The following DVL2 variants were observed in gnomAD, a reference collection of about 807,000 sequenced individuals.
The protein encoded by DVL2 is dishevelled segment polarity protein 2, also known as segment polarity protein dishevelled homolog DVL-2.
In DVL2, 38 loss-of-function variants were observed where a neutral mutation model predicts 69.8. The observed-to-expected ratio is 0.54, with a 90% CI of 0.42 to 0.71. The LOEUF is 0.71. Among genes scored for constraint, DVL2 ranks in the 30% least tolerant of loss-of-function variants. The probability of loss-of-function intolerance (pLI) is 0.00; values close to 1 mark genes in which losing one functional copy is unlikely to be tolerated. For missense variants in DVL2, 931 were observed against 1,008.1 expected, an observed-to-expected ratio of 0.92 and a Z score of 1.04; for synonymous variants, 428 against 392.4, an observed-to-expected ratio of 1.09 and a Z score of -1.07.
chr17:7,230,137 G>A lies in DVL2; in HGVS notation c.429C>T (p.Ser143=), dbSNP rs199520856. The A allele has an allele frequency of 1.0e-4, 169 of 1,614,156 alleles. No homozygotes were observed. In the East Asian group the frequency reaches 3.4e-3, roughly 32 times the overall value. ...PPSFHPNVSS[S]HENLEPETET... Reference sequence around the variant, plus strand: ...CTGTCTCAGGCTCCAGATTCTCATGGCTGCTGGACACATTAGGGCTGGACA... The same window carrying A: ...CTGTCTCAGGCTCCAGATTCTCATGACTGCTGGACACATTAGGGCTGGACA... Residue 143 remains serine, a synonymous_variant, in exon 4 of 15, where the codon AGC becomes AGT. Transcript: ENST00000005340.
intron 1 of DVL2, among the ~76,000 whole-genome samples, chr17:7,231,085 C>T (rs2071535724): frequency 6.6e-6 from 1 of 152,170 alleles, no homozygotes; most frequent in African/African-American, 2.4e-5. Flanking sequence ...AAAAGCAATC[C>T]CGCACGCTGA....
At position 7,234,406 on chromosome 17, in the gene DVL2, G is replaced by T; in HGVS notation, c.-144C>A. 1 of 955,558 alleles carries T rather than the reference G, an allele frequency of 1.0e-6. No individual in the cohort carries two copies. Among genetic ancestry groups the T allele is most frequent in the South Asian group, 1.7e-5 (1 of 57,544 alleles). 59.2% of individuals were successfully genotyped at this position (955,558 alleles called of 1,614,324 possible). A position where few individuals can be genotyped will look rare whatever the true frequency, so the allele number is the denominator to read the frequency against. ...AGAGAAGCAAAGGGGAAAAAGCACG[G>T]ATCTGCGAGGGTGGCGGCGGGGGGC... On this transcript the variant is annotated 5_prime_UTR_variant, in exon 1 of 15. Transcript: ENST00000005340.
Position 7,229,344 on chromosome 17 carries a change from C to G in DVL2, c.817+34G>C. 1 of 1,613,622 alleles carries G rather than the reference C, an allele frequency of 6.2e-7. No individual in the cohort carries two copies. The highest frequency in any genetic ancestry group is 8.5e-7 in the Non-Finnish European group (1 of 1,179,810). ...CGCCCGGAACCCTAGAGACCAGGCC[C>G]TCCCCACGCCCTAGCCACAGGCTCT... On this transcript the variant is annotated intron_variant, in intron 7 of 14. Coordinates refer to ENST00000005340, the MANE Select transcript of DVL2 (RefSeq NM_004422.3). This position sits in a 1 kb window ranked among gnomAD's most constrained non-coding sequence, Gnocchi z 4.4.
intron 1 of DVL2, among the ~76,000 whole-genome samples, chr17:7,231,058 CCT>C (rs1175026608): frequency 2.6e-5 from 4 of 152,208 alleles, no homozygotes; most frequent in African/African-American, 9.7e-5. Flanking sequence ...CTGACTCAAA[CCT>C]CTTAGTCCAG....
Position 7,234,282 on chromosome 17 carries a change from C to G in DVL2, c.-20G>C. The G allele has an allele frequency of 6.2e-7, 1 of 1,601,064 alleles. No individual in the cohort carries two copies. The highest frequency in any genetic ancestry group is 8.5e-7 in the Non-Finnish European group (1 of 1,173,856). On this transcript the variant is annotated 5_prime_UTR_variant, in exon 1 of 15. Transcript: ENST00000005340. ...CGCCATGGTCTCGCCCGCGCGCTCC[C>G]GGGCTCCACCGCCCACCCAAAGGGC... is the stretch of plus-strand genomic sequence containing the variant.
At chr17:7,226,846 G>A in intron 13 of DVL2, 1 of 625,526 alleles carries the variant, frequency 1.6e-6, no homozygotes, top group Non-Finnish European at 2.7e-6. Context: ...GTCTTTGCGG[G>A]ACTCAGGTAA....
Position 7,229,224 on chromosome 17 carries a change from C to T in DVL2, c.868G>A (p.Gly290Arg). The T allele has an allele frequency of 6.2e-7, 1 of 1,614,172 alleles. No homozygotes were observed. The highest frequency in any genetic ancestry group is 8.5e-7 in the Non-Finnish European group (1 of 1,180,024). ...GAGCCAATGTAGATGCCTCCGTCTC[C>T]CCGCTCATTGCTCTGGCCAACAATG... is the stretch of plus-strand genomic sequence containing the variant. ...ISIVGQSNERGDGGIYIGSIM... is the reference protein window; with the variant it reads ...ISIVGQSNERRDGGIYIGSIM... Residue 290 changes from glycine (G) to arginine (R), a missense_variant, in exon 8 of 15, where the codon GGA (glycine) becomes AGA (arginine). Around this residue, in one of 3 missense-constraint regions of DVL2, gnomAD observed 555 missense variants for 588.8 expected, o/e 0.94. Transcript: ENST00000005340. This position sits in a 1 kb window ranked among gnomAD's most constrained non-coding sequence, Gnocchi z 4.4.
chr17:7,233,817 G>A (rs1034118896), intron 1 of DVL2: 18 of 573,658 alleles, frequency 3.1e-5, no homozygotes, highest in African/African-American at 2.6e-4. Context: ...AAACCAGTAT[G>A]CCCCCACCTA....
rs2071426482 is a variant in DVL2 at position 7,225,423 on chromosome 17, A to C, written c.*442T>G. 4.5e-6 allele frequency: 2 copies of C among 443,428 alleles called. No individual in the cohort carries two copies. Among genetic ancestry groups the C allele is most frequent in the Admixed American group, 7.4e-5 (2 of 27,200 alleles). 27.5% of individuals were successfully genotyped at this position (443,428 alleles called of 1,614,324 possible). A position where few individuals can be genotyped will look rare whatever the true frequency, so the allele number is the denominator to read the frequency against. On this transcript the variant is annotated 3_prime_UTR_variant, in exon 15 of 15. Transcript: ENST00000005340. ...GTAACAAAGGCAGCTACATGGCCCA[A>C]ATCTCCCAGCTTCCTCAGGCTGCTG...
chr17:7,227,736 C>T lies in DVL2; in HGVS notation c.1150G>A (p.Ala384Thr), dbSNP rs140277298. 2.7e-5 allele frequency: 44 copies of T among 1,601,534 alleles called. No homozygotes were observed. Among genetic ancestry groups the T allele is most frequent in the East Asian group, 1.4e-4 (6 of 44,120 alleles). The change falls in exon 11 of 15, where the codon GCG becomes ACG. Residue 384 changes from alanine to threonine, a missense_variant. Around this residue, in one of 3 missense-constraint regions of DVL2, gnomAD observed 555 missense variants for 588.8 expected, o/e 0.94. Coordinates refer to ENST00000005340, the MANE Select transcript of DVL2 (RefSeq NM_004422.3). ...GCTGGGAAGGTGCCAGTCAGAGCCG[C>T]GGAATGGGACACCCAGGCAGCAGGG... ...IDPAAWVSHS[A>T]ALTGTFPAYP...
intron 1 of DVL2, 118 bp from the exon 2 acceptor site, chr17:7,230,915 T>A: frequency 1.5e-6 from 1 of 665,602 alleles, no homozygotes; most frequent in Non-Finnish European, 2.6e-6. Flanking sequence ...CCTGCCCTGT[T>A]CAGGTCTTCT....
rs1305360975 is a variant in DVL2 at position 7,225,767 on chromosome 17, G to C, written c.*98C>G. ...CACAATCTCCTGTATGGCAGCAGCT[G>C]GTAGGCTGAGCCCAGGCACTGTAAG... On this transcript the variant is annotated 3_prime_UTR_variant, in exon 15 of 15. Transcript: ENST00000005340. The C allele has an allele frequency of 1.0e-5, 11 of 1,063,736 alleles. No homozygotes were observed. The highest frequency in any genetic ancestry group is 2.9e-4 in the Middle Eastern group (1 of 3,500). 65.9% of individuals were successfully genotyped at this position (1,063,736 alleles called of 1,614,324 possible).
At position 7,226,448 on chromosome 17, in the gene DVL2, C is replaced by A; in HGVS notation, c.1735G>T (p.Gly579Cys). The A allele has an allele frequency of 1.3e-6, 2 of 1,542,694 alleles. No homozygotes were observed. The highest frequency in any genetic ancestry group is 2.5e-5 in the South Asian group (2 of 80,162). Residue 579 changes from glycine to cysteine, a missense_variant, in exon 14 of 15, where the codon GGC becomes TGC. Coordinates refer to ENST00000005340, the MANE Select transcript of DVL2 (RefSeq NM_004422.3). ...TCACTATGCTGGCTGCTGGCACTGCCCCCACCATAGGTGTAAGATGAAAGC... is the reference window on the plus strand; with the variant it reads ...TCACTATGCTGGCTGCTGGCACTGCACCCACCATAGGTGTAAGATGAAAGC... The part of the protein sequence containing the change: ...HELSSYTYGG[G>C]SASSQHSEGS...
chr17:7,232,238 C>T (rs958713199), intron 1 of DVL2, among the ~76,000 whole-genome samples: 2 of 152,156 alleles, frequency 1.3e-5, no homozygotes, highest in Non-Finnish European at 2.9e-5. Context: ...CCTAGTTGTT[C>T]CTCTCTCTCT....
At chr17:7,231,876 A>G (rs549578745) in intron 1 of DVL2, among the ~76,000 whole-genome samples, 1 of 151,766 alleles carries the variant, frequency 6.6e-6, no homozygotes, top group Admixed American at 6.6e-5. Flanking sequence ...AAAAAAAAAA[A>G]AAAAAACCAC....
Position 7,229,523 on chromosome 17 carries a change from C to T in DVL2, c.747+65G>A. Reference sequence around the variant, plus strand: ...CTGGGGTGCTGCCGGTGTCCTGGCACCGCCCAAACCAAAGCCCATGCCCCA... The same window carrying T: ...CTGGGGTGCTGCCGGTGTCCTGGCATCGCCCAAACCAAAGCCCATGCCCCA... On this transcript the variant is annotated intron_variant, in intron 6 of 14. Transcript: ENST00000005340. The surrounding 1 kb of genome is among the most constrained non-coding windows in gnomAD (Gnocchi z 4.4). The T allele has an allele frequency of 6.2e-7, 1 of 1,610,112 alleles. No homozygotes were observed. Among genetic ancestry groups the T allele is most frequent in the Non-Finnish European group, 8.5e-7 (1 of 1,177,088 alleles).
intron 1 of DVL2, among the ~76,000 whole-genome samples, chr17:7,231,861 G>GAAAAAAA (rs35734517): frequency 2.0e-5 from 1 of 50,216 alleles, no homozygotes. Flanking sequence ...CTCCACCTCA[G>GAAAAAAA]AAAAAAAAAA....
At position 7,226,418 on chromosome 17, in the gene DVL2, T is replaced by C; in HGVS notation, c.1762+3A>G. The C allele has an allele frequency of 6.5e-7, 1 of 1,531,242 alleles. No homozygotes were observed. Among genetic ancestry groups the C allele is most frequent in the East Asian group, 2.3e-5 (1 of 44,128 alleles). The allele number at this position is 1,531,242 out of a possible 1,614,324, so 94.9% of individuals were successfully genotyped here. ...GCCGTACAGGTATGTGGGGATGACT[T>C]ACCCTCACTATGCTGGCTGCTGGCA... On this transcript the variant is annotated splice_donor_region_variant and intron_variant, in intron 14 of 14. Transcript: ENST00000005340.
At chr17:7,226,944 C>T (rs574015724) in intron 13 of DVL2, 146 bp downstream of exon 13, 10 of 808,974 alleles carry the variant, frequency 1.2e-5, no homozygotes, top group Middle Eastern at 3.7e-4. Context: ...CCCCCATCCT[C>T]GGCCAGTGCA....
Sources: allele counts gnomAD v4.1 joint callset (sites outside exome capture counted in the v4.1 genomes callset), GRCh38; gene constraint gnomAD v4.1.1; regional missense constraint gnomAD v4.1.1; non-coding constraint Gnocchi (gnomAD v3.1); transcripts MANE v1.5; gene names NCBI Gene and HGNC (gene_info 2026-07-23, HGNC 2026-07-21).